The following CACNA2D3 variants were observed in gnomAD, a reference collection of about 807,000 sequenced individuals.
The protein encoded by CACNA2D3 is voltage-dependent calcium channel subunit alpha-2/delta-3.
Under a neutral mutation model 160.6 loss-of-function variants are expected in CACNA2D3, and 60 were observed. The ratio of observed to expected loss-of-function variants is 0.37; its 90% CI spans 0.30 to 0.46. The LOEUF (loss-of-function observed/expected upper bound fraction) is 0.46. Among genes scored for constraint, CACNA2D3 ranks in the 20% least tolerant of loss-of-function variants. CACNA2D3 has a pLI of 1.00. For synonymous variants in CACNA2D3, 558 were observed against 492.9 expected, an observed-to-expected ratio of 1.13 and a Z score of -1.75; for missense variants, 1,205 against 1,365.0, an observed-to-expected ratio of 0.88 and a Z score of 1.85.
At chr3:54,879,691 G>A (rs558578833) in intron 20 of CACNA2D3, among the ~76,000 whole-genome samples, 2 of 152,350 alleles carry the variant, frequency 1.3e-5, no homozygotes, top group South Asian at 2.1e-4. Flanking sequence ...GTGAAGACAA[G>A]TGCAGAGGGT....
chr3:54,611,135 A>C (rs546772323), intron 9 of CACNA2D3, among the ~76,000 whole-genome samples: 4 of 152,302 alleles, frequency 2.6e-5, no homozygotes, highest in African/African-American at 9.6e-5. Flanking sequence ...AACCTTTGAG[A>C]GTTTGTGTCA....
intron 9 of CACNA2D3, among the ~76,000 whole-genome samples, chr3:54,586,994 C>G (rs1702773872): frequency 6.6e-6 from 1 of 151,742 alleles, no homozygotes. Flanking sequence ...TTACATATCA[C>G]AAGAGGTGGA....
At chr3:54,442,263 A>C (rs1302508765) in intron 4 of CACNA2D3, among the ~76,000 whole-genome samples, 1 of 152,126 alleles carries the variant, frequency 6.6e-6, no homozygotes, top group Non-Finnish European at 1.5e-5. Context: ...CATGTGGCCT[A>C]GTTTTGGCCA....
intron 27 of CACNA2D3, among the ~76,000 whole-genome samples, chr3:54,943,725 A>C (rs1312708483): frequency 1.3e-5 from 2 of 151,250 alleles, no homozygotes; most frequent in Admixed American, 1.3e-4. Flanking sequence ...TGCCTATTTC[A>C]TCTTGCTTTG....
At chr3:54,442,609 G>A (rs562438366) in intron 4 of CACNA2D3, among the ~76,000 whole-genome samples, 283 of 152,284 alleles carry the variant, frequency 1.9e-3, no homozygotes, top group Non-Finnish European at 3.5e-3. Context: ...GCAGCTGAAC[G>A]CGCCGTCAAT....
intron 4 of CACNA2D3, among the ~76,000 whole-genome samples, chr3:54,460,370 T>C (rs577214726): frequency 5.9e-5 from 9 of 152,190 alleles, no homozygotes; most frequent in Non-Finnish European, 1.3e-4. Context: ...TTGGGCAGTA[T>C]GGCCATTTTC....
chr3:54,666,623 C>T (rs1480076576), intron 11 of CACNA2D3, among the ~76,000 whole-genome samples: 15 of 152,220 alleles, frequency 9.9e-5, no homozygotes, highest in Admixed American at 9.8e-4. Context: ...TCATTAATCT[C>T]CTCTGATGTC....
intron 2 of CACNA2D3, among the ~76,000 whole-genome samples, chr3:54,151,225 G>A (rs1700145449): frequency 6.6e-6 from 1 of 151,896 alleles, no homozygotes; most frequent in African/African-American, 2.4e-5. Context: ...ATTAATGGAT[G>A]TAGAGATGGA....
At chr3:54,184,119 C>A (rs1022577489) in intron 2 of CACNA2D3, among the ~76,000 whole-genome samples, 1 of 152,002 alleles carries the variant, frequency 6.6e-6, no homozygotes, top group Admixed American at 6.5e-5. Context: ...TGTTTTCTAT[C>A]TCTTTGAGTG....
chr3:54,292,332 G>A (rs543127646), intron 2 of CACNA2D3, among the ~76,000 whole-genome samples: 1 of 152,214 alleles, frequency 6.6e-6, no homozygotes, highest in African/African-American at 2.4e-5. Context: ...AAATACATTG[G>A]ACTTCATAGA....
At chr3:54,541,278 GAAAAAA>G (rs141900915) in intron 5 of CACNA2D3, among the ~76,000 whole-genome samples, 2 of 81,712 alleles carry the variant, frequency 2.4e-5, no homozygotes, top group South Asian at 4.9e-4. Flanking sequence ...CTCCGTCTCA[GAAAAAA>G]AAAAAAAAAA....
chr3:54,526,314 A>G (rs543180012), intron 5 of CACNA2D3, among the ~76,000 whole-genome samples: 19 of 152,312 alleles, frequency 1.2e-4, no homozygotes, highest in African/African-American at 4.3e-4. Context: ...TAAACAAAGA[A>G]CAATTTCTGG....
chr3:54,923,716 G>A (rs1700921242), intron 27 of CACNA2D3, among the ~76,000 whole-genome samples: 1 of 152,144 alleles, frequency 6.6e-6, no homozygotes, highest in African/African-American at 2.4e-5. Flanking sequence ...TGAAGTGGAG[G>A]AAAGAATGTC....
intron 2 of CACNA2D3, among the ~76,000 whole-genome samples, chr3:54,280,602 C>G (rs1339866812): frequency 6.6e-6 from 1 of 152,030 alleles, no homozygotes; most frequent in Non-Finnish European, 1.5e-5. Context: ...GACATGAAAG[C>G]CTAGACTTGA....
At chr3:54,714,657 A>C (rs1418184423) in intron 11 of CACNA2D3, among the ~76,000 whole-genome samples, 1 of 152,140 alleles carries the variant, frequency 6.6e-6, no homozygotes. Context: ...ACAATCATAG[A>C]CTATTTCCTC....
At chr3:54,350,968 G>GTTTTTTTTTGTT (rs1698543383) in intron 3 of CACNA2D3, among the ~76,000 whole-genome samples, 1 of 56,106 alleles carries the variant, frequency 1.8e-5, no homozygotes, top group Non-Finnish European at 3.5e-5. Flanking sequence ...TCTTGAGTCT[G>GTTTTTTTTTGTT]TTTTTTTTTT....
At chr3:54,464,479 C>T (rs62254183) in intron 4 of CACNA2D3, among the ~76,000 whole-genome samples, 4,694 of 152,306 alleles carry the variant, frequency 0.031, 96 homozygotes, top group Non-Finnish European at 0.048. Context: ...TGGGCAATGG[C>T]GAGCGCCCCT....
rs79686010 is a variant in CACNA2D3 at position 54,455,484 on chromosome 3, C to T, written c.382-48008C>T. ...TTTTTGTATAATAATCCATTTTAGA[C>T]GAGTAGTTTGCAGATATTTTTTTTC... On this transcript the variant is annotated intron_variant, in intron 4 of 37. Transcript: ENST00000474759. 1.2e-3 allele frequency among the ~76,000 whole-genome samples: 184 copies of T among 151,966 alleles called. 2 individuals carry two copies. The East Asian group carries it at 0.028, about 23-fold the overall frequency.
At chr3:54,655,393 T>C (rs1352925639) in intron 11 of CACNA2D3, among the ~76,000 whole-genome samples, 1 of 152,236 alleles carries the variant, frequency 6.6e-6, no homozygotes, top group East Asian at 1.9e-4. Flanking sequence ...CAGTACACAA[T>C]GGCTATATCA....
Sources: gnomAD v4.1 joint callset for allele counts (sites outside exome capture counted in the v4.1 genomes callset) on GRCh38, gnomAD v4.1.1 for gene constraint, MANE v1.5 for transcripts, NCBI Gene and HGNC (gene_info 2026-07-23, HGNC 2026-07-21) for gene names.